CCDC85A: variants seen among roughly 807,000 people sequenced by gnomAD.
The protein encoded by CCDC85A is coiled-coil domain containing 85A.
CCDC85A carries 38 observed loss-of-function variants against 50.2 expected under a neutral mutation model. The ratio of observed to expected loss-of-function variants is 0.76; its 90% CI spans 0.58 to 0.99. The LOEUF (loss-of-function observed/expected upper bound fraction) is 0.99, where lower values mean the gene tolerates loss of function less well. CCDC85A is among the 50% of genes least tolerant of loss of function. CCDC85A has a pLI of 0.00. For missense variants in CCDC85A, 820 were observed against 742.0 expected (o/e 1.11, Z -1.22); for synonymous variants, 366 against 301.4 (o/e 1.21, Z -2.22).
At chr2:56,310,227 G>A (rs1672628783) in intron 2 of CCDC85A, among the ~76,000 whole-genome samples, 1 of 152,154 alleles carries the variant, frequency 6.6e-6, no homozygotes. Flanking sequence ...TGATGCAACT[G>A]ATTGCTGAGT....
At chr2:56,280,609 C>A (rs1309020834) in intron 2 of CCDC85A, among the ~76,000 whole-genome samples, 3 of 152,140 alleles carry the variant, frequency 2.0e-5, no homozygotes, top group Non-Finnish European at 4.4e-5. Context: ...AATCCCCTCC[C>A]CCAAGCATAC....
At chr2:56,206,466 A>G (rs1253884309) in intron 2 of CCDC85A, among the ~76,000 whole-genome samples, 1 of 152,184 alleles carries the variant, frequency 6.6e-6, no homozygotes, top group Non-Finnish European at 1.5e-5. Context: ...GTCCATGAGC[A>G]TGACATCTAT....
At chr2:56,213,952 A>T (rs755590498) in intron 2 of CCDC85A, among the ~76,000 whole-genome samples, 2 of 151,922 alleles carry the variant, frequency 1.3e-5, no homozygotes, top group Non-Finnish European at 2.9e-5. Context: ...CAACAGCACG[A>T]TATGACAGGT....
intron 2 of CCDC85A, among the ~76,000 whole-genome samples, chr2:56,311,364 T>C (rs985585778): frequency 6.6e-6 from 1 of 152,128 alleles, no homozygotes. Context: ...TGCTCAAACA[T>C]AGGATTTTGG....
At chr2:56,312,747 T>G (rs1284794117) in intron 2 of CCDC85A, among the ~76,000 whole-genome samples, 1 of 152,322 alleles carries the variant, frequency 6.6e-6, no homozygotes, top group Middle Eastern at 3.4e-3. Context: ...GGAAATACTT[T>G]CTGTGCAGCA....
rs765666680 is a variant in CCDC85A at position 56,342,921 on chromosome 2, G to T, written c.1283G>T (p.Arg428Ile). ...SYVRQLEARV[R>I]QLEEENRMLP... ...GTTAGGCAGCTGGAGGCAAGAGTAA[G>T]ACAGCTGGAGGAAGAAAATCGCATG... Residue 428 changes from arginine (R) to isoleucine (I), a missense_variant, in exon 3 of 6, where the codon AGA becomes ATA. Coordinates refer to ENST00000407595, the MANE Select transcript of CCDC85A (RefSeq NM_001080433.2). 6.3e-7 allele frequency: 1 copy of T among 1,598,224 alleles called. No individual in the cohort carries two copies. The highest frequency in any genetic ancestry group is 1.1e-5 in the South Asian group (1 of 88,232).
At chr2:56,296,484 A>T (rs13427576) in intron 2 of CCDC85A, among the ~76,000 whole-genome samples, 21,831 of 152,176 alleles carry the variant, frequency 0.14, 1,856 homozygotes, top group East Asian at 0.32. Flanking sequence ...AACCGTCACC[A>T]GGCGCCCTAT....
chr2:56,360,762 A>G (rs545465820), intron 3 of CCDC85A, among the ~76,000 whole-genome samples: 2 of 152,266 alleles, frequency 1.3e-5, no homozygotes, highest in South Asian at 4.1e-4. Context: ...ATGAGATGAA[A>G]CCATGTTTTA....
At chr2:56,293,710 A>C (rs902859780) in intron 2 of CCDC85A, among the ~76,000 whole-genome samples, 4 of 152,238 alleles carry the variant, frequency 2.6e-5, no homozygotes, top group African/African-American at 9.6e-5. Flanking sequence ...AAAAAAGCTC[A>C]ACATCACTGA....
At chr2:56,233,302 G>A (rs1305581472) in intron 2 of CCDC85A, among the ~76,000 whole-genome samples, 1 of 152,162 alleles carries the variant, frequency 6.6e-6, no homozygotes, top group Admixed American at 6.6e-5. Flanking sequence ...CTGGAACACT[G>A]TCTTTCTTAC....
chr2:56,355,637 C>T (rs1675187311), intron 3 of CCDC85A, among the ~76,000 whole-genome samples: 1 of 152,148 alleles, frequency 6.6e-6, no homozygotes, highest in Non-Finnish European at 1.5e-5. Flanking sequence ...TAAAATAAGA[C>T]AGCTCACCTC....
intron 2 of CCDC85A, among the ~76,000 whole-genome samples, chr2:56,301,474 T>C (rs2104190294): frequency 6.6e-6 from 1 of 152,336 alleles, no homozygotes; most frequent in Admixed American, 6.5e-5. Flanking sequence ...ATATTTTATA[T>C]AAGTGCCCCT....
intron 3 of CCDC85A, among the ~76,000 whole-genome samples, chr2:56,369,813 C>A (rs558599391): frequency 6.6e-6 from 1 of 152,078 alleles, no homozygotes; most frequent in Middle Eastern, 3.2e-3. Context: ...TTCCTCCTCA[C>A]AAATTTTTGA....
Position 56,370,368 on chromosome 2 carries a change from G to A in CCDC85A, c.1318-1976G>A, listed in dbSNP as rs1398838113. 9.2e-5 allele frequency among the ~76,000 whole-genome samples: 14 copies of A among 152,100 alleles called. 1 individual carries two copies. The highest frequency in any genetic ancestry group is 2.2e-4 in the African/African-American group (9 of 41,508). On this transcript the variant is annotated intron_variant, in intron 3 of 5. Transcript: ENST00000407595. ...TGTAGTTTATTTGAAAGTTAATGAT[G>A]ATGGCTGGCCCAGAACACACTTTTC... is the stretch of plus-strand genomic sequence containing the variant.
chr2:56,288,406 T>C (rs1302408651), intron 2 of CCDC85A, among the ~76,000 whole-genome samples: 3 of 152,184 alleles, frequency 2.0e-5, no homozygotes, highest in Non-Finnish European at 4.4e-5. Flanking sequence ...TGTCAGTTTT[T>C]AAGATCTTCT....
chr2:56,300,641 T>C (rs1283839268), intron 2 of CCDC85A, among the ~76,000 whole-genome samples: 1 of 152,226 alleles, frequency 6.6e-6, no homozygotes, highest in Non-Finnish European at 1.5e-5. Context: ...AGGGAATACC[T>C]TGGAGTTTGT....
chr2:56,255,856 A>G (rs1346734055), intron 2 of CCDC85A, among the ~76,000 whole-genome samples: 1 of 152,164 alleles, frequency 6.6e-6, no homozygotes, highest in Non-Finnish European at 1.5e-5. Context: ...CAGGAAAAAT[A>G]AGATTTAGAA....
At chr2:56,318,009 A>T (rs867569763) in intron 2 of CCDC85A, among the ~76,000 whole-genome samples, 1 of 151,990 alleles carries the variant, frequency 6.6e-6, no homozygotes, top group African/African-American at 2.4e-5. Flanking sequence ...TTCTTTTAGC[A>T]TTTTTGTGTA....
rs1676759123 is a variant in CCDC85A at position 56,385,002 on chromosome 2, A to T, written c.*647A>T. On this transcript the variant is annotated 3_prime_UTR_variant, in exon 6 of 6. Coordinates refer to ENST00000407595, the MANE Select transcript of CCDC85A (RefSeq NM_001080433.2). ...CTAGAAGGGTAGCAAGACGTTGTAG[A>T]GTGCTTATCAGAGAGTACCATTTAC... 6.6e-6 allele frequency: 1 copy of T among 152,320 alleles called. No homozygotes were observed. The highest frequency in any genetic ancestry group is 2.4e-5 in the African/African-American group (1 of 41,400). The allele number at this position is 152,320 out of a possible 1,614,324, so 9.4% of individuals were successfully genotyped here. A position where few individuals can be genotyped will look rare whatever the true frequency, so the allele number is the denominator to read the frequency against.
Sources: allele counts gnomAD v4.1 joint callset (sites outside exome capture counted in the v4.1 genomes callset), GRCh38; gene constraint gnomAD v4.1.1; transcripts MANE v1.5; gene names NCBI Gene and HGNC (gene_info 2026-07-23, HGNC 2026-07-21).